Variants in CUX1 observed in about 807,000 individuals in gnomAD.
CUX1 encodes cut like homeobox 1, also known as protein CASP.
In CUX1, 31 loss-of-function variants were observed where a neutral mutation model predicts 158.8. The observed-to-expected ratio is 0.20, with a 90% CI of 0.15 to 0.26. The LOEUF is 0.26. Ranked by LOEUF, CUX1 falls within the 10% of genes least tolerant of loss-of-function variation. The probability of loss-of-function intolerance (pLI) is 1.00; values close to 1 mark genes in which losing one functional copy is unlikely to be tolerated. For synonymous variants in CUX1, 879 were observed against 862.1 expected, an observed-to-expected ratio of 1.02 and a Z score of -0.34; for missense variants, 1,589 against 2,014.6, an observed-to-expected ratio of 0.79 and a Z score of 4.04.
At chr7:102,224,567 C>T (rs1240999377) in intron 20 of CUX1, among the ~76,000 whole-genome samples, 2 of 152,232 alleles carry the variant, frequency 1.3e-5, no homozygotes, top group Non-Finnish European at 2.9e-5. Flanking sequence ...ATGCCTGGAC[C>T]TCTCAGGGCT....
At chr7:102,032,896 A>G (rs1157619928) in intron 3 of CUX1, among the ~76,000 whole-genome samples, 1 of 152,096 alleles carries the variant, frequency 6.6e-6, no homozygotes, top group Non-Finnish European at 1.5e-5. Flanking sequence ...TAGCCCAACA[A>G]TTTAGACAAT....
chr7:101,886,431 G>T (rs114625976), intron 1 of CUX1, among the ~76,000 whole-genome samples: 1 of 152,044 alleles, frequency 6.6e-6, no homozygotes, highest in African/African-American at 2.4e-5. Context: ...AATCTTCTGG[G>T]TTCAAGTGAT....
chr7:102,229,600 C>CCACA (rs1798742498), intron 21 of CUX1, among the ~76,000 whole-genome samples: 1 of 149,026 alleles, frequency 6.7e-6, no homozygotes, highest in African/African-American at 2.5e-5. Context: ...GCATGAGCCA[C>CCACA]CGTGTCTGGC....
At position 101,953,184 on chromosome 7, in the gene CUX1, G is replaced by C. The variant is rs112359645; in HGVS notation, c.141+36959G>C. On this transcript the variant is annotated intron_variant, in intron 2 of 23. Transcript: ENST00000292535. ...AGCCATTTCCTCTTCTCCCCCAACT[G>C]TGACTCACTGATTGATTAATGTTTG... 7.0e-3 allele frequency among the ~76,000 whole-genome samples: 1,060 copies of C among 152,272 alleles called. 15 individuals are homozygous for C. The highest frequency in any genetic ancestry group is 0.024 in the African/African-American group (1,002 of 41,550).
intron 8 of CUX1, among the ~76,000 whole-genome samples, chr7:102,139,578 T>C (rs1834235333): frequency 6.6e-6 from 1 of 152,220 alleles, no homozygotes; most frequent in African/African-American, 2.4e-5. Context: ...GGGTACTGCC[T>C]GAGCACAGAA....
intron 7 of CUX1, 111 bp downstream of exon 7, chr7:102,111,885 G>A (rs1412960844): frequency 4.3e-6 from 4 of 920,054 alleles, no homozygotes; most frequent in Non-Finnish European, 6.8e-6. Flanking sequence ...CTTCGGGGCC[G>A]TGGGAGCTGC....
chr7:101,878,476 C>T (rs770820169), intron 1 of CUX1, among the ~76,000 whole-genome samples: 2 of 152,118 alleles, frequency 1.3e-5, no homozygotes, highest in East Asian at 3.9e-4. Context: ...GGGGGAATGT[C>T]GTAGTAGCCG....
At chr7:101,994,926 C>CAAA (rs796784920) in intron 2 of CUX1, among the ~76,000 whole-genome samples, 6 of 47,540 alleles carry the variant, frequency 1.3e-4, no homozygotes, top group Non-Finnish European at 1.7e-4. Context: ...CTCATCTCTA[C>CAAA]AAAAAAAAAA....
At chr7:102,050,926 A>G (rs761709963) in intron 3 of CUX1, among the ~76,000 whole-genome samples, 2 of 152,092 alleles carry the variant, frequency 1.3e-5, no homozygotes, top group Non-Finnish European at 2.9e-5. Flanking sequence ...CCTTCCCAGC[A>G]GTTGGCTTTC....
chr7:102,250,250 A>C lies in CUX1; in HGVS notation c.*1208A>C. On this transcript the variant is annotated 3_prime_UTR_variant, in exon 24 of 24. Coordinates refer to ENST00000292535, the MANE Select transcript of CUX1 (RefSeq NM_181552.4). The stretch of plus-strand genomic sequence containing the variant: ...CTGTCTGTGCGTCTGCACGTGTGCA[A>C]GCATTGAAAGAAAGGAGAGAGTAGT... 1 of 985,424 alleles carries C rather than the reference A, an allele frequency of 1.0e-6. No individual in the cohort carries two copies. The highest frequency in any genetic ancestry group is 1.2e-6 in the Non-Finnish European group (1 of 829,946). The allele number at this position is 985,424 out of a possible 1,614,324, so 61.0% of individuals were successfully genotyped here.
Position 101,978,320 on chromosome 7 carries a change from G to C in CUX1, c.142-49778G>C, listed in dbSNP as rs559034707. On this transcript the variant is annotated intron_variant, in intron 2 of 23. Transcript: ENST00000292535. ...CTGCACCACCAATCCCAGTCCCCCT[G>C]TCACCTCGGGAAATGGCGTCACCAC... Among the ~76,000 whole-genome samples the C allele has an allele frequency of 2.6e-5, 4 of 152,286 alleles. No homozygotes were observed. The East Asian group carries it at 7.7e-4, about 29-fold the overall frequency.
intron 3 of CUX1, among the ~76,000 whole-genome samples, chr7:102,038,734 C>T (rs1481242525): frequency 6.6e-6 from 1 of 152,106 alleles, no homozygotes; most frequent in Non-Finnish European, 1.5e-5. Flanking sequence ...GGGAGTGGCG[C>T]TTGAGCCCAG....
upstream of CUX1, chr7:101,816,822 C>T (rs1791862854): frequency 1.5e-6 from 1 of 645,792 alleles, no homozygotes; most frequent in Non-Finnish European, 1.9e-6. Context: ...CAGGCGCCCG[C>T]GCTCGCTACC....
intron 2 of CUX1, among the ~76,000 whole-genome samples, chr7:101,987,107 G>A (rs573820866): frequency 1.3e-4 from 20 of 152,240 alleles, no homozygotes; most frequent in African/African-American, 3.9e-4. Flanking sequence ...CTCTGACCTC[G>A]TCCGTCTTGG....
Position 102,257,730 on chromosome 7 carries a change from G to GT in CUX1, c.*8692dup, listed in dbSNP as rs1790050416. 1 of 984,708 alleles carries GT rather than the reference G, an allele frequency of 1.0e-6. No homozygotes were observed. The highest frequency in any genetic ancestry group is 4.7e-5 in the South Asian group (1 of 21,248). 61.0% of individuals were successfully genotyped at this position (984,708 alleles called of 1,614,324 possible). A position where few individuals can be genotyped will look rare whatever the true frequency, so the allele number is the denominator to read the frequency against. ...CCCCCCACCCCACCCCCACTCTAGC[G>GT]TTTTGTCACGTCTTACATTTTAGCA... On this transcript the variant is annotated 3_prime_UTR_variant, in exon 24 of 24. Transcript: ENST00000292535.
At chr7:102,168,077 C>G (rs1791249841) in intron 9 of CUX1, among the ~76,000 whole-genome samples, 1 of 148,030 alleles carries the variant, frequency 6.8e-6, no homozygotes, top group African/African-American at 2.5e-5. Context: ...GATTCCATCT[C>G]AGGAAATTAA....
chr7:101,868,325 C>T (rs1798135133), intron 1 of CUX1, among the ~76,000 whole-genome samples: 1 of 152,174 alleles, frequency 6.6e-6, no homozygotes, highest in Non-Finnish European at 1.5e-5. Context: ...GTGGAGCTGG[C>T]TTTTGTCCTT....
intron 2 of CUX1, among the ~76,000 whole-genome samples, chr7:101,989,560 G>A (rs560486000): frequency 1.3e-5 from 2 of 152,320 alleles, no homozygotes; most frequent in Non-Finnish European, 2.9e-5. Flanking sequence ...TTTAATGTAA[G>A]GCCCTGGCAT....
chr7:102,202,746 G>A (rs925332350), intron 18 of CUX1, among the ~76,000 whole-genome samples: 15 of 152,328 alleles, frequency 9.8e-5, no homozygotes, highest in African/African-American at 3.6e-4. Flanking sequence ...TTCAGTCAGA[G>A]AGGTCAAGCA....
Sources: gnomAD v4.1 joint callset for allele counts (sites outside exome capture counted in the v4.1 genomes callset) on GRCh38, gnomAD v4.1.1 for gene constraint, MANE v1.5 for transcripts, NCBI Gene and HGNC (gene_info 2026-07-23, HGNC 2026-07-21) for gene names.